Variants in CD2AP observed in about 807,000 individuals in gnomAD.
The protein encoded by CD2AP is CD2-associated protein.
In CD2AP, 46 loss-of-function variants were observed where a neutral mutation model predicts 85.1. The observed-to-expected ratio is 0.54, with a 90% CI of 0.43 to 0.69. CD2AP has a LOEUF of 0.69. Ranked by LOEUF, CD2AP falls within the 30% of genes least tolerant of loss-of-function variation. The pLI, the probability that CD2AP is intolerant of heterozygous loss-of-function variation, is 0.00. For synonymous variants in CD2AP, 255 were observed against 252.9 expected, an observed-to-expected ratio of 1.01 and a Z score of -0.08; for missense variants, 769 against 729.5, an observed-to-expected ratio of 1.05 and a Z score of -0.62.
At chr6:47,513,898 G>T (rs1229757799) in intron 2 of CD2AP, among the ~76,000 whole-genome samples, 2 of 147,738 alleles carry the variant, frequency 1.4e-5, no homozygotes, top group Non-Finnish European at 3.0e-5. Flanking sequence ...TTTTTGGGGG[G>T]GGGGCTAGCC....
At chr6:47,571,048 A>T (rs1768137558) in intron 5 of CD2AP, among the ~76,000 whole-genome samples, 1 of 152,068 alleles carries the variant, frequency 6.6e-6, no homozygotes, top group Non-Finnish European at 1.5e-5. Flanking sequence ...TATGGCCTTA[A>T]TCAAATACTC....
intron 12 of CD2AP, among the ~76,000 whole-genome samples, chr6:47,598,602 G>A (rs1379879802): frequency 6.6e-6 from 1 of 150,892 alleles, no homozygotes; most frequent in Non-Finnish European, 1.5e-5. Flanking sequence ...GGCATTCACA[G>A]CAACCTGGAT....
At chr6:47,522,284 T>G (rs1180616172) in intron 2 of CD2AP, among the ~76,000 whole-genome samples, 1 of 152,190 alleles carries the variant, frequency 6.6e-6, no homozygotes, top group Non-Finnish European at 1.5e-5. Flanking sequence ...TAACAAAGTA[T>G]TTTTATTCGC....
chr6:47,564,121 T>G (rs1370481209), intron 5 of CD2AP, among the ~76,000 whole-genome samples: 2 of 152,094 alleles, frequency 1.3e-5, no homozygotes, highest in African/African-American at 4.8e-5. Context: ...GAACTGATGT[T>G]TAAGGGTGTG....
intron 2 of CD2AP, among the ~76,000 whole-genome samples, chr6:47,526,715 C>T (rs2114014581): frequency 6.6e-6 from 1 of 152,262 alleles, no homozygotes; most frequent in South Asian, 2.1e-4. Context: ...ATTGGAGTTA[C>T]TTTCAAGAGG....
chr6:47,597,921 C>CAG, intron 12 of CD2AP, among the ~76,000 whole-genome samples: 1 of 150,934 alleles, frequency 6.6e-6, no homozygotes, highest in East Asian at 1.9e-4. Context: ...CCACCCAGGA[C>CAG]AGTGAAGGGA....
rs1158020244 is a variant in CD2AP, at chr6:47,627,075, C to T, written c.*2848C>T. ...AGTATATACTTCACTAACTTGTTTACAGGTGCTGTATTTAAAAGCATGCTT... is the reference window on the plus strand; with the variant it reads ...AGTATATACTTCACTAACTTGTTTATAGGTGCTGTATTTAAAAGCATGCTT... On this transcript the variant is annotated 3_prime_UTR_variant, in exon 18 of 18. Transcript: ENST00000359314. 2.0e-5 allele frequency: 3 copies of T among 152,236 alleles called. No homozygotes were observed. Among genetic ancestry groups the T allele is most frequent in the African/African-American group, 7.2e-5 (3 of 41,384 alleles). 9.4% of individuals were successfully genotyped at this position (152,236 alleles called of 1,614,324 possible).
At chr6:47,494,575 T>C (rs1765811066) in intron 1 of CD2AP, among the ~76,000 whole-genome samples, 2 of 152,048 alleles carry the variant, frequency 1.3e-5, no homozygotes, top group African/African-American at 4.8e-5. Context: ...AATACTCAGG[T>C]TGTATTTCGC....
intron 12 of CD2AP, among the ~76,000 whole-genome samples, chr6:47,597,405 G>A (rs1288687773): frequency 2.0e-5 from 3 of 150,670 alleles, no homozygotes; most frequent in Non-Finnish European, 4.5e-5. Context: ...CCAAGAAGCA[G>A]ACAGCATAGA....
intron 1 of CD2AP, among the ~76,000 whole-genome samples, chr6:47,483,248 A>G (rs1359364282): frequency 6.6e-6 from 1 of 152,216 alleles, no homozygotes; most frequent in East Asian, 1.9e-4. Context: ...GCGACAGAAC[A>G]GTAGTTTAAG....
rs574576741 is a variant in CD2AP at position 47,577,956 on chromosome 6, G to A, written c.903+853G>A. 2.0e-5 allele frequency among the ~76,000 whole-genome samples: 3 copies of A among 152,230 alleles called. No homozygotes were observed. In the South Asian group the frequency reaches 6.2e-4, roughly 32 times the overall value. On this transcript the variant is annotated intron_variant, in intron 8 of 17. Transcript: ENST00000359314. ...TTAAAAATAAGTTTTATTGTGTAAA[G>A]TATAATGATGTTATAGGATACGTAG...
intron 1 of CD2AP, among the ~76,000 whole-genome samples, chr6:47,499,734 TTTG>T (rs375338841): frequency 2.5e-4 from 38 of 151,814 alleles, no homozygotes; most frequent in Admixed American, 8.5e-4. Flanking sequence ...AGTTAAGAGT[TTTG>T]TTGTTGTTGT....
At chr6:47,618,807 T>G (rs969290367) in intron 17 of CD2AP, among the ~76,000 whole-genome samples, 4 of 152,186 alleles carry the variant, frequency 2.6e-5, no homozygotes, top group African/African-American at 9.6e-5. Context: ...TCTAGCAAAG[T>G]GAGCTGTTAC....
At chr6:47,603,373 T>C (rs1029164007) in intron 13 of CD2AP, among the ~76,000 whole-genome samples, 1 of 152,076 alleles carries the variant, frequency 6.6e-6, no homozygotes, top group Non-Finnish European at 1.5e-5. Context: ...TATCATGGGC[T>C]AAAGACTAAA....
chr6:47,622,675 A>G (rs1769787562), intron 17 of CD2AP, among the ~76,000 whole-genome samples: 1 of 152,208 alleles, frequency 6.6e-6, no homozygotes, highest in African/African-American at 2.4e-5. Flanking sequence ...CAGTTGGGAC[A>G]CACACACTAT....
At chr6:47,578,252 G>A (rs568701765) in intron 8 of CD2AP, among the ~76,000 whole-genome samples, 26 of 152,278 alleles carry the variant, frequency 1.7e-4, no homozygotes, top group Middle Eastern at 6.8e-3. Context: ...CCAGGCTGGC[G>A]TGCAGTGGTG....
chr6:47,554,132 C>T (rs2114061616), intron 4 of CD2AP, among the ~76,000 whole-genome samples: 1 of 152,114 alleles, frequency 6.6e-6, no homozygotes, highest in Admixed American at 6.5e-5. Flanking sequence ...AGGCTGATCT[C>T]AAACTCCTGG....
intron 10 of CD2AP, among the ~76,000 whole-genome samples, chr6:47,581,439 A>G (rs1223436437): frequency 4.6e-5 from 7 of 152,000 alleles, no homozygotes; most frequent in Non-Finnish European, 1.0e-4. Flanking sequence ...TTCCTAAAAG[A>G]TTTGCTGTTT....
chr6:47,518,845 G>A (rs1766514739), intron 2 of CD2AP, among the ~76,000 whole-genome samples: 1 of 152,162 alleles, frequency 6.6e-6, no homozygotes. Context: ...TATTTAGATA[G>A]TGGGTCTCTT....
Sources: gnomAD v4.1 joint callset for allele counts (sites outside exome capture counted in the v4.1 genomes callset) on GRCh38, gnomAD v4.1.1 for gene constraint, MANE v1.5 for transcripts, NCBI Gene and HGNC (gene_info 2026-07-23, HGNC 2026-07-21) for gene names.